Variants in POGLUT2 observed in about 807,000 individuals in gnomAD.
POGLUT2 encodes protein O-glucosyltransferase 2, also known as ER protein 58.
POGLUT2 carries 47 observed loss-of-function variants against 57.6 expected under a neutral mutation model. The observed-to-expected ratio is 0.82, with a 90% confidence interval of 0.65 to 1.04. POGLUT2 has a LOEUF of 1.04. Ranked by LOEUF, POGLUT2 falls within the 50% of genes least tolerant of loss-of-function variation. The pLI is 0.00. For missense variants in POGLUT2, 565 were observed against 614.8 expected (o/e 0.92, Z 0.86); for synonymous variants, 200 against 218.8 (o/e 0.91, Z 0.76).
At chr13:102,796,721 T>TATATA in intron 2 of POGLUT2, 83 bp downstream of exon 2, 1 of 407,540 alleles carries the variant, frequency 2.5e-6, no homozygotes. Context: ...TATATATATA[T>TATATA]CATGCCAAGT....
rs776464192 is a variant in POGLUT2, at chr13:102,791,308, G to A, written c.795C>T (p.Ile265=). 14 of 1,610,020 alleles carry A rather than the reference G, an allele frequency of 8.7e-6. No homozygotes were observed. The highest frequency in any genetic ancestry group is 6.7e-5 in the African/African-American group (5 of 74,490). ...SWCGSTDSKD[I]VMPTYDLTDS... Reference sequence around the variant, plus strand: ...CAGTCAAATCGTACGTAGGCATCACGATATCCTTGGAATCTGTGGAGCCAC... The same window carrying A: ...CAGTCAAATCGTACGTAGGCATCACAATATCCTTGGAATCTGTGGAGCCAC... The change falls in exon 5 of 10, where the codon ATC becomes ATT. Residue 265 remains isoleucine, a synonymous_variant. Coordinates refer to ENST00000376004, the MANE Select transcript of POGLUT2 (RefSeq NM_024089.3).
rs1482174111 is a variant in POGLUT2 at position 102,789,105 on chromosome 13, A to C, written c.1200T>G (p.Asn400Lys). ...TGTAGTGTTTCCAGGGCTGCAGCTC[A>C]TTGTAAAAATGTTCATAGTAGATGG... ...QDSIYYEHFY[N>K]ELQPWKHYIP... Residue 400 changes from asparagine (N) to lysine (K), a missense_variant, in exon 7 of 10, where the codon AAT (asparagine) becomes AAG (lysine). Coordinates refer to ENST00000376004, the MANE Select transcript of POGLUT2 (RefSeq NM_024089.3). 2 of 1,614,070 alleles carry C rather than the reference A, an allele frequency of 1.2e-6. No individual in the cohort carries two copies. The highest frequency in any genetic ancestry group is 1.7e-6 in the Non-Finnish European group (2 of 1,180,020).
intron 2 of POGLUT2, 73 bp downstream of exon 2, chr13:102,796,731 T>C: frequency 1.7e-6 from 1 of 591,024 alleles, no homozygotes; most frequent in Non-Finnish European, 2.9e-6. Context: ...TCATGCCAAG[T>C]TGTTTTTGTT....
chr13:102,793,224 T>C (rs937406897), intron 4 of POGLUT2, 117 bp downstream of exon 4: 4 of 636,878 alleles, frequency 6.3e-6, no homozygotes, highest in African/African-American at 1.8e-5. Context: ...AGAATAGTAT[T>C]ATCATAAGGC....
In POGLUT2 at chr13:102,798,489, T is replaced by G; in HGVS notation, c.182A>C (p.Lys61Thr). The part of the protein sequence containing the change: ...YIQAVDTSGN[K>T]FTSSPGEKVF... ...GGTAAGGAGCCGTTTCTCGACTTAC[T>G]TATTCCCTGATGTATCCACTGCCTG... is the stretch of plus-strand genomic sequence containing the variant. Residue 61 changes from lysine (K) to threonine (T), a missense_variant and splice_region_variant, in exon 1 of 10, where the codon AAA (lysine) becomes ACA (threonine). Physicochemically the swap from Lys to Thr is moderately conservative, Grantham distance 78. Transcript: ENST00000376004. 1 of 1,581,536 alleles carries G rather than the reference T, an allele frequency of 6.3e-7. No individual in the cohort carries two copies.
chr13:102,795,237 C>T (rs1230872358), intron 2 of POGLUT2, among the ~76,000 whole-genome samples: 7 of 117,426 alleles, frequency 6.0e-5, no homozygotes, highest in African/African-American at 1.0e-4. Flanking sequence ...AGTGACAGAG[C>T]GAGACATCGT....
At chr13:102,792,957 G>A (rs944027809) in intron 4 of POGLUT2, among the ~76,000 whole-genome samples, 4 of 152,072 alleles carry the variant, frequency 2.6e-5, no homozygotes, top group African/African-American at 9.7e-5. Context: ...TGTATTTTTT[G>A]TAGAGACAGG....
chr13:102,798,419 G>T, intron 1 of POGLUT2, 70 bp downstream of exon 1: 1 of 1,425,366 alleles, frequency 7.0e-7, no homozygotes. Flanking sequence ...TTCTTGGAAA[G>T]AAAAATCTTA....
chr13:102,787,913 A>T lies in POGLUT2; in HGVS notation c.1304T>A (p.Ile435Lys). 1 of 1,593,282 alleles carries T rather than the reference A, an allele frequency of 6.3e-7. No homozygotes were observed. Among genetic ancestry groups the T allele is most frequent in the Non-Finnish European group, 8.6e-7 (1 of 1,165,828 alleles). Reference sequence around the variant, plus strand: ...TGCAAATTCTTGTCCTGCTTTTGCTATCTTTTTGGCCTACAGGAAGAACAA... The same window carrying T: ...TGCAAATTCTTGTCCTGCTTTTGCTTTCTTTTTGGCCTACAGGAAGAACAA... ...AKDHDEEAKKIAKAGQEFARN... is the reference protein window; with the variant it reads ...AKDHDEEAKKKAKAGQEFARN... Residue 435 changes from isoleucine (I) to lysine (K), a missense_variant, in exon 8 of 10, where the codon ATA becomes AAA. By Grantham distance (102) the Ile-to-Lys change is moderately radical (BLOSUM62 -3). Coordinates refer to ENST00000376004, the MANE Select transcript of POGLUT2 (RefSeq NM_024089.3).
chr13:102,787,468 A>G (rs1331670677), intron 8 of POGLUT2, among the ~76,000 whole-genome samples: 2 of 152,256 alleles, frequency 1.3e-5, no homozygotes, highest in African/African-American at 4.8e-5. Flanking sequence ...AGTCAAGACA[A>G]GAGGCCCAAA....
Position 102,796,837 on chromosome 13 carries a change from G to A in POGLUT2, c.355C>T (p.Gln119Ter). 1.2e-6 allele frequency: 2 copies of A among 1,603,716 alleles called. No homozygotes were observed. The highest frequency in any genetic ancestry group is 1.7e-5 in the Admixed American group (1 of 59,970). The change falls in exon 2 of 10, where the codon CAA (glutamine) becomes TAA (stop). Residue 119 changes from glutamine to a stop codon, truncating the protein, a stop_gained. Coordinates refer to ENST00000376004, the MANE Select transcript of POGLUT2 (RefSeq NM_024089.3). LOFTEE classifies it high-confidence loss of function. ...ATATATGGGGATTTGGCCACATGTTGCCCTTGGAATTTAATTTCCACCTTC... is the reference window on the plus strand; with the variant it reads ...ATATATGGGGATTTGGCCACATGTTACCCTTGGAATTTAATTTCCACCTTC... The part of the protein sequence containing the change: ...NLKVEIKFQG[Q>*]HVAKSPYILK...
rs1418489949 is a variant in POGLUT2, at chr13:102,789,222, C to A, written c.1084-1G>T. ...CATCGATATTTATTTGATACTTATG[C>A]TGCAAAACAATGGTAAAGTCTAAGA... On this transcript the variant is annotated splice_acceptor_variant, in intron 6 of 9. Coordinates refer to ENST00000376004, the MANE Select transcript of POGLUT2 (RefSeq NM_024089.3). LOFTEE classifies it high-confidence loss of function. 10 of 1,612,274 alleles carry A rather than the reference C, an allele frequency of 6.2e-6. No individual in the cohort carries two copies. Among genetic ancestry groups the A allele is most frequent in the Non-Finnish European group, 8.5e-6 (10 of 1,178,418 alleles).
At chr13:102,798,108 C>T (rs1878504969) in intron 1 of POGLUT2, among the ~76,000 whole-genome samples, 1 of 152,114 alleles carries the variant, frequency 6.6e-6, no homozygotes, top group African/African-American at 2.4e-5. Flanking sequence ...CAGATGTCTC[C>T]TTGAAAATTG....
At position 102,786,338 on chromosome 13, in the gene POGLUT2, T is replaced by A. The variant is rs1877940957; in HGVS notation, c.1385A>T (p.Glu462Val). The part of the protein sequence containing the change: ...IFCYYFKLFQ[E>V]YANLQVSEPQ... ...CTCACTCACTTGTAAATTGGCATAT[T>A]CCTGTTTAAGCAACAATATAAAAGC... The change falls in exon 9 of 10, where the codon GAA becomes GTA. Residue 462 changes from glutamate (E) to valine (V), a missense_variant and splice_region_variant. Glu to Val is a moderately radical substitution (Grantham distance 121, BLOSUM62 -2). Transcript: ENST00000376004. 1 of 1,600,978 alleles carries A rather than the reference T, an allele frequency of 6.2e-7. No homozygotes were observed. The highest frequency in any genetic ancestry group is 1.3e-5 in the African/African-American group (1 of 74,630).
chr13:102,790,179 G>T (rs1031449381), intron 6 of POGLUT2, among the ~76,000 whole-genome samples: 1 of 152,160 alleles, frequency 6.6e-6, no homozygotes. Flanking sequence ...ATTGAACAAG[G>T]TTAACATTTA....
chr13:102,791,170 CA>C, intron 5 of POGLUT2, 32 bp from the exon 6 acceptor site: 1 of 1,608,820 alleles, frequency 6.2e-7, no homozygotes, highest in South Asian at 1.1e-5. Context: ...ATTTTCCTCC[CA>C]AATCATCATA....
At chr13:102,787,635 T>C (rs938094484) in intron 8 of POGLUT2, among the ~76,000 whole-genome samples, 199 bp downstream of exon 8, 1 of 152,268 alleles carries the variant, frequency 6.6e-6, no homozygotes, top group Non-Finnish European at 1.5e-5. Flanking sequence ...CGCTTAATAT[T>C]GTAACATTTT....
At position 102,784,614 on chromosome 13, in the gene POGLUT2, C is replaced by T. The variant is rs1016170765; in HGVS notation, c.1492-102G>A. ...TTTTCCTGTAAAGATGAGAGGGAGC[C>T]AAGCTGCTGCTAGAGGCTTTTAGGG... On this transcript the variant is annotated intron_variant, in intron 9 of 9. Transcript: ENST00000376004. 6 of 730,948 alleles carry T rather than the reference C, an allele frequency of 8.2e-6. No homozygotes were observed. In the African/African-American group the frequency reaches 1.1e-4, roughly 13 times the overall value. 45.3% of individuals were successfully genotyped at this position (730,948 alleles called of 1,614,324 possible).
Position 102,793,366 on chromosome 13 carries a change from G to A in POGLUT2, c.647C>T (p.Ala216Val). 1 of 1,577,392 alleles carries A rather than the reference G, an allele frequency of 6.3e-7. No homozygotes were observed. Among genetic ancestry groups the A allele is most frequent in the Non-Finnish European group, 8.7e-7 (1 of 1,147,034 alleles). The change falls in exon 4 of 10, where the codon GCC becomes GTC. Residue 216 changes from alanine (A) to valine (V), a missense_variant. Physicochemically the swap from Ala to Val is moderately conservative, Grantham distance 64. Transcript: ENST00000376004. ...CTTTCTAGTCAAAGAAAGTAGTATG[G>A]CATCCATGAAAATTCTAAAACCTAC... ...EHVGFRIFMD[A>V]ILLSLTRKVK...
Sources: allele counts gnomAD v4.1 joint callset (sites outside exome capture counted in the v4.1 genomes callset), GRCh38; gene constraint gnomAD v4.1.1; transcripts MANE v1.5; gene names NCBI Gene and HGNC (gene_info 2026-07-23, HGNC 2026-07-21).